The following FGD4 variants were observed in gnomAD, a reference collection of about 807,000 sequenced individuals.
FGD4 encodes FYVE, RhoGEF and PH domain containing 4.
FGD4 carries 42 observed loss-of-function variants against 102.0 expected under a neutral mutation model. The observed-to-expected ratio is 0.41, with a 90% CI of 0.32 to 0.53. The LOEUF (loss-of-function observed/expected upper bound fraction) is 0.53. Among genes scored for constraint, FGD4 ranks in the 20% least tolerant of loss-of-function variants. The pLI, the probability that FGD4 is intolerant of heterozygous loss-of-function variation, is 0.21. For synonymous variants in FGD4, 380 were observed against 375.7 expected, an observed-to-expected ratio of 1.01 and a Z score of -0.13; for missense variants, 902 against 1,078.2, an observed-to-expected ratio of 0.84 and a Z score of 2.29.
At chr12:32,601,566 G>A (rs966462704) in intron 6 of FGD4, 143 bp downstream of exon 6, 2 of 1,013,320 alleles carry the variant, frequency 2.0e-6, no homozygotes, top group African/African-American at 3.2e-5. Flanking sequence ...GATAGAAGTT[G>A]TGGTACAAAG....
At chr12:32,533,089 C>T (rs1327067836) in intron 1 of FGD4, among the ~76,000 whole-genome samples, 1 of 152,146 alleles carries the variant, frequency 6.6e-6, no homozygotes, top group Non-Finnish European at 1.5e-5. Context: ...GTCCTTTAAT[C>T]CTCCCTAACC....
chr12:32,496,938 A>G (rs571681841), intron 1 of FGD4, among the ~76,000 whole-genome samples: 58 of 152,366 alleles, frequency 3.8e-4, no homozygotes, highest in South Asian at 1.9e-3. Flanking sequence ...TGATGTGAAT[A>G]ACTAAATCTC....
intron 3 of FGD4, among the ~76,000 whole-genome samples, chr12:32,578,173 A>G (rs966698980): frequency 3.9e-5 from 6 of 152,128 alleles, no homozygotes; most frequent in Middle Eastern, 6.8e-3. Context: ...CCGAGTGCAA[A>G]TTGGGTATAG....
At chr12:32,591,254 C>G (rs1288770080) in intron 4 of FGD4, among the ~76,000 whole-genome samples, 1 of 152,088 alleles carries the variant, frequency 6.6e-6, no homozygotes, top group Non-Finnish European at 1.5e-5. Flanking sequence ...CTATAAAAAC[C>G]TGATAATTTA....
intron 1 of FGD4, among the ~76,000 whole-genome samples, chr12:32,496,123 C>G (rs958525879): frequency 3.9e-5 from 6 of 152,170 alleles, no homozygotes; most frequent in Non-Finnish European, 7.4e-5. Context: ...TTTGCTTTGT[C>G]TCTTCAAAAA....
chr12:32,590,060 C>T (rs1947343379), intron 4 of FGD4, among the ~76,000 whole-genome samples: 1 of 152,098 alleles, frequency 6.6e-6, no homozygotes. Context: ...GAAATCCCAG[C>T]ACTTTGGGAG....
chr12:32,481,005 T>TG (rs1477885717), intron 1 of FGD4, among the ~76,000 whole-genome samples: 3 of 151,372 alleles, frequency 2.0e-5, no homozygotes, highest in African/African-American at 7.3e-5. Flanking sequence ...CATGCTGAGA[T>TG]GGGGTCTCCC....
At chr12:32,407,176 A>G (rs1477582807) in intron 1 of FGD4, among the ~76,000 whole-genome samples, 11 of 127,010 alleles carry the variant, frequency 8.7e-5, no homozygotes, top group African/African-American at 3.4e-4. Flanking sequence ...CCCAGGCTGG[A>G]GTGCAATGGC....
At chr12:32,620,007 C>A in intron 11 of FGD4, 137 bp downstream of exon 11, 1 of 1,021,472 alleles carries the variant, frequency 9.8e-7, no homozygotes, top group South Asian at 1.4e-5. Context: ...AAATGCAGAG[C>A]TGTAGGTTCT....
intron 1 of FGD4, among the ~76,000 whole-genome samples, chr12:32,449,967 C>G (rs1437830099): frequency 2.0e-5 from 3 of 151,772 alleles, no homozygotes; most frequent in African/African-American, 7.3e-5. Flanking sequence ...GAGTCTTGCT[C>G]CGTCACCCAG....
At chr12:32,576,507 A>G in intron 3 of FGD4, 58 bp downstream of exon 3, 1 of 1,562,844 alleles carries the variant, frequency 6.4e-7, no homozygotes, top group Non-Finnish European at 8.8e-7. Context: ...ATTTTCGAAA[A>G]AATGATAGTC....
At chr12:32,468,264 ATTTTTT>A (rs57001434) in intron 1 of FGD4, among the ~76,000 whole-genome samples, 2 of 147,842 alleles carry the variant, frequency 1.4e-5, no homozygotes, top group Non-Finnish European at 3.0e-5. Context: ...TGAATGCTGT[ATTTTTT>A]TTTTTTTTAA....
chr12:32,549,508 G>A (rs1943486817), intron 1 of FGD4, among the ~76,000 whole-genome samples: 1 of 152,254 alleles, frequency 6.6e-6, no homozygotes, highest in African/African-American at 2.4e-5. Flanking sequence ...CTTCTTAGAG[G>A]AAGAAGGACA....
intron 1 of FGD4, among the ~76,000 whole-genome samples, chr12:32,520,526 C>A (rs1195490577): frequency 6.6e-6 from 1 of 150,886 alleles, no homozygotes; most frequent in Non-Finnish European, 1.5e-5. Flanking sequence ...AGCTCTGCTT[C>A]CCGGTTTCAC....
At chr12:32,597,085 CTTAA>C (rs1383454120) in intron 4 of FGD4, among the ~76,000 whole-genome samples, 2 of 152,020 alleles carry the variant, frequency 1.3e-5, no homozygotes, top group African/African-American at 2.4e-5. Context: ...GAGACAATGG[CTTAA>C]TTATTTGGAA....
intron 1 of FGD4, among the ~76,000 whole-genome samples, chr12:32,481,005 TG>T (rs1477885717): frequency 6.6e-6 from 1 of 151,370 alleles, no homozygotes; most frequent in South Asian, 2.1e-4. Context: ...CATGCTGAGA[TG>T]GGGTCTCCCT....
At chr12:32,441,016 G>C (rs1280223126) in intron 1 of FGD4, among the ~76,000 whole-genome samples, 1 of 152,172 alleles carries the variant, frequency 6.6e-6, no homozygotes, top group Non-Finnish European at 1.5e-5. Flanking sequence ...GGTGAATGCT[G>C]CCTGGCCTGG....
intron 1 of FGD4, among the ~76,000 whole-genome samples, chr12:32,533,064 T>C (rs1235661755): frequency 6.6e-6 from 1 of 152,168 alleles, no homozygotes; most frequent in Non-Finnish European, 1.5e-5. Flanking sequence ...TCCTAGCAGG[T>C]GTGCAATTTA....
At chr12:32,474,010 C>T (rs1040998084) in intron 1 of FGD4, among the ~76,000 whole-genome samples, 4 of 152,016 alleles carry the variant, frequency 2.6e-5, no homozygotes, top group African/African-American at 9.7e-5. Flanking sequence ...ACGGCGTGAA[C>T]CCAGGAGGCA....
Sources: gnomAD v4.1 joint callset for allele counts (sites outside exome capture counted in the v4.1 genomes callset) on GRCh38, gnomAD v4.1.1 for gene constraint, MANE v1.5 for transcripts, NCBI Gene and HGNC (gene_info 2026-07-23, HGNC 2026-07-21) for gene names.